Variants in TAF2 observed in about 807,000 individuals in gnomAD.
TAF2 encodes TATA-box binding protein associated factor 2, also known as transcription initiation factor TFIID subunit 2.
Under a neutral mutation model 138.5 loss-of-function variants are expected in TAF2, and 61 were observed. The observed-to-expected ratio is 0.44, with a 90% confidence interval of 0.36 to 0.54. The LOEUF (loss-of-function observed/expected upper bound fraction) is 0.54. Ranked by LOEUF, TAF2 falls within the 20% of genes least tolerant of loss-of-function variation. TAF2 has a pLI of 0.00. For synonymous variants in TAF2, 475 were observed against 469.9 expected (o/e 1.01, Z -0.14); for missense variants, 1,090 against 1,427.9 (o/e 0.76, Z 3.81).
chr8:119,793,505 TA>T, intron 9 of TAF2, 54 bp from the exon 10 acceptor site: 2 of 1,297,612 alleles, frequency 1.5e-6, no homozygotes, highest in African/African-American at 1.5e-5. Context: ...AACATTTTTT[TA>T]CATACCAAAT....
chr8:119,806,182 A>T (rs1586493804), intron 4 of TAF2, 101 bp downstream of exon 4: 1 of 1,038,338 alleles, frequency 9.6e-7, no homozygotes, highest in African/African-American at 1.6e-5. Flanking sequence ...GATTACAGGC[A>T]TGAGGCACAG....
At chr8:119,742,137 T>G (rs1819637976) in intron 25 of TAF2, among the ~76,000 whole-genome samples, 1 of 152,224 alleles carries the variant, frequency 6.6e-6, no homozygotes. Flanking sequence ...TTATATCTTT[T>G]TTATAAAGGT....
intron 14 of TAF2, 113 bp downstream of exon 14, chr8:119,788,225 C>G: frequency 1.1e-6 from 1 of 889,666 alleles, no homozygotes; most frequent in Non-Finnish European, 1.8e-6. Context: ...TATCCCACAA[C>G]TTAAAGTATA....
In TAF2 at chr8:119,762,429, A is replaced by G; in HGVS notation, c.2544T>C (p.His848=). The G allele has an allele frequency of 6.2e-7, 1 of 1,613,852 alleles. No homozygotes were observed. The highest frequency in any genetic ancestry group is 2.2e-5 in the East Asian group (1 of 44,824). ...NMEKLLPSYR[H]TITVSCLRAI... ...TTTAATCATACCTGACAGTGATGGT[A>G]TGCCTGTAACTCGGAAGAAGTTTTT... is the stretch of plus-strand genomic sequence containing the variant. The change falls in exon 19 of 26, where the codon CAT becomes CAC. Residue 848 remains histidine (H), a synonymous_variant. Coordinates refer to ENST00000378164, the MANE Select transcript of TAF2 (RefSeq NM_003184.4).
chr8:119,771,482 C>G (rs1821832993), intron 18 of TAF2, among the ~76,000 whole-genome samples: 1 of 152,094 alleles, frequency 6.6e-6, no homozygotes, highest in South Asian at 2.1e-4. Context: ...GCAATCTGCC[C>G]TCCTCGACCT....
In TAF2 at chr8:119,785,995, TAAG is replaced by T. The variant is rs919743527; in HGVS notation, c.1794-732_1794-730del. Among the ~76,000 whole-genome samples the T allele has an allele frequency of 2.5e-4, 38 of 152,172 alleles. 1 individual carries two copies. The highest frequency in any genetic ancestry group is 2.0e-4 in the Admixed American group (3 of 15,284). ...CATTTTCTCAGAGTAAGAATGACTATAAGAAGATTTCAGAATCAAGTTCCTTAA... is the reference window on the plus strand; with the variant it reads ...CATTTTCTCAGAGTAAGAATGACTATAAGATTTCAGAATCAAGTTCCTTAA... On this transcript the variant is annotated intron_variant, in intron 14 of 25. Coordinates refer to ENST00000378164, the MANE Select transcript of TAF2 (RefSeq NM_003184.4).
intron 22 of TAF2, among the ~76,000 whole-genome samples, chr8:119,751,689 GA>G (rs957349799): frequency 1.1e-4 from 17 of 151,652 alleles, no homozygotes; most frequent in African/African-American, 4.1e-4. Context: ...AAGTGCTCAA[GA>G]AAAAAACAGT....
intron 3 of TAF2, 149 bp from the exon 4 acceptor site, chr8:119,806,550 A>T: frequency 9.4e-6 from 6 of 636,758 alleles, no homozygotes; most frequent in African/African-American, 3.8e-5. Flanking sequence ...ACTCACTGCA[A>T]CCTCCACCTC....
chr8:119,778,123 G>C lies in TAF2; in HGVS notation c.2260C>G (p.Pro754Ala). The part of the protein sequence containing the change: ...FQSYFLQKTM[P>A]VAMALLRDVH... ...TCTCTTAATAAAGCCATTGCAACTG[G>C]CATAGTCTACAAAAGAAAAAAAAGA... The change falls in exon 18 of 26, where the codon CCA becomes GCA. Residue 754 changes from proline (P) to alanine (A), a missense_variant. Pro to Ala is a conservative substitution (Grantham distance 27, BLOSUM62 -1). Around this residue, in one of 3 missense-constraint regions of TAF2, gnomAD observed 580 missense variants for 719.6 expected, o/e 0.81. Coordinates refer to ENST00000378164, the MANE Select transcript of TAF2 (RefSeq NM_003184.4). 6.3e-7 allele frequency: 1 copy of C among 1,593,400 alleles called. No homozygotes were observed. Among genetic ancestry groups the C allele is most frequent in the Non-Finnish European group, 8.6e-7 (1 of 1,165,716 alleles).
intron 6 of TAF2, 27 bp downstream of exon 6, chr8:119,801,767 G>C: frequency 5.7e-6 from 9 of 1,590,000 alleles, no homozygotes; most frequent in Non-Finnish European, 6.9e-6. Context: ...GCCAGGAGGA[G>C]AGTAAGAGAG....
At chr8:119,801,745 A>C in intron 6 of TAF2, 49 bp downstream of exon 6, 1 of 1,565,592 alleles carries the variant, frequency 6.4e-7, no homozygotes, top group South Asian at 1.1e-5. Flanking sequence ...ATCTTTTTAA[A>C]AGCAGTAAAG....
At chr8:119,789,529 T>C in intron 12 of TAF2, 63 bp downstream of exon 12, 1 of 1,591,860 alleles carries the variant, frequency 6.3e-7, no homozygotes, top group Non-Finnish European at 8.6e-7. Flanking sequence ...TTCTTCCATC[T>C]TCCCCTTGCA....
chr8:119,749,833 C>T (rs994240054), intron 22 of TAF2, among the ~76,000 whole-genome samples: 19 of 152,132 alleles, frequency 1.2e-4, no homozygotes, highest in East Asian at 1.9e-4. Context: ...CTTATGGCAA[C>T]GAATGATCAC....
chr8:119,779,733 A>T (rs1028300549), intron 17 of TAF2, among the ~76,000 whole-genome samples: 3 of 152,184 alleles, frequency 2.0e-5, no homozygotes, highest in Non-Finnish European at 4.4e-5. Flanking sequence ...ATCGTAAATA[A>T]ATTTCAACTT....
At chr8:119,779,249 GACACACACACAC>G (rs10636618) in intron 17 of TAF2, among the ~76,000 whole-genome samples, 6 of 147,376 alleles carry the variant, frequency 4.1e-5, no homozygotes, top group South Asian at 2.2e-4. Flanking sequence ...CACAACCTAA[GACACACACACAC>G]ACACACACAC....
chr8:119,748,615 C>T (rs894363710), intron 22 of TAF2, among the ~76,000 whole-genome samples: 6 of 151,992 alleles, frequency 3.9e-5, no homozygotes, highest in African/African-American at 7.3e-5. Context: ...CACTGGAAAC[C>T]CATTTTCCCT....
At chr8:119,757,623 C>T (rs1404863181) in intron 21 of TAF2, among the ~76,000 whole-genome samples, 14 of 148,736 alleles carry the variant, frequency 9.4e-5, no homozygotes, top group African/African-American at 3.2e-4. Flanking sequence ...TGCGGTGGCT[C>T]ACACCTATAA....
At chr8:119,753,694 G>C (rs1183581604) in intron 22 of TAF2, among the ~76,000 whole-genome samples, 1 of 152,064 alleles carries the variant, frequency 6.6e-6, no homozygotes, top group Non-Finnish European at 1.5e-5. Context: ...CTTCCAATGA[G>C]CTTCAAATGT....
At chr8:119,829,331 A>G (rs905938710) in intron 2 of TAF2, among the ~76,000 whole-genome samples, 2 of 152,090 alleles carry the variant, frequency 1.3e-5, no homozygotes, top group Non-Finnish European at 2.9e-5. Context: ...TCTTCTATTA[A>G]AAGACACAGG....
Sources: allele counts gnomAD v4.1 joint callset (sites outside exome capture counted in the v4.1 genomes callset), GRCh38; gene constraint gnomAD v4.1.1; regional missense constraint gnomAD v4.1.1; transcripts MANE v1.5; gene names NCBI Gene and HGNC (gene_info 2026-07-23, HGNC 2026-07-21).